The following SPMIP2 variants were observed in gnomAD, a reference collection of about 807,000 sequenced individuals.
The protein encoded by SPMIP2 is sperm microtubule inner protein 2.
the SPMIP2 span, among the ~76,000 whole-genome samples, chr4:158,980,455 C>A: frequency 6.6e-6 from 1 of 152,176 alleles, no homozygotes; most frequent in Non-Finnish European, 1.5e-5. Flanking sequence ...TAGAGGAGAG[C>A]CCTGGCTGGC....
chr4:158,983,527 C>T, the SPMIP2 span, among the ~76,000 whole-genome samples: 1 of 143,012 alleles, frequency 7.0e-6, no homozygotes, highest in Non-Finnish European at 1.5e-5. Flanking sequence ...AAAGAATTTT[C>T]AACCCAGAAT....
the SPMIP2 span, among the ~76,000 whole-genome samples, chr4:158,926,354 C>T: frequency 8.6e-5 from 13 of 151,956 alleles, no homozygotes; most frequent in African/African-American, 2.4e-4. Context: ...GCATTACCTT[C>T]GCTGCATCCC....
chr4:159,054,304 A>G, the SPMIP2 span, among the ~76,000 whole-genome samples: 7 of 152,126 alleles, frequency 4.6e-5, no homozygotes, highest in Non-Finnish European at 7.4e-5. Context: ...CTATTTCAGC[A>G]ATTTTTTTCC....
the SPMIP2 span, among the ~76,000 whole-genome samples, chr4:158,957,565 T>C: frequency 1.3e-5 from 2 of 152,202 alleles, no homozygotes; most frequent in South Asian, 4.1e-4. Flanking sequence ...TAGCTGGGAT[T>C]ACAGGCACCC....
At chr4:158,973,861 C>T in the SPMIP2 span, among the ~76,000 whole-genome samples, 1 of 151,568 alleles carries the variant, frequency 6.6e-6, no homozygotes, top group Admixed American at 6.6e-5. Flanking sequence ...TGGCACACAC[C>T]TGTGGTCCCA....
At chr4:159,041,892 G>A in the SPMIP2 span, among the ~76,000 whole-genome samples, 8 of 152,224 alleles carry the variant, frequency 5.3e-5, no homozygotes, top group Admixed American at 3.9e-4. Flanking sequence ...ACGAAGAGGT[G>A]AGTTCTACAG....
At chr4:158,952,360 A>G in the SPMIP2 span, among the ~76,000 whole-genome samples, 1 of 152,170 alleles carries the variant, frequency 6.6e-6, no homozygotes, top group Non-Finnish European at 1.5e-5. Flanking sequence ...GGTTTTCCCC[A>G]TATTGTCCTT....
chr4:158,937,222 A>C, the SPMIP2 span, among the ~76,000 whole-genome samples: 1 of 152,242 alleles, frequency 6.6e-6, no homozygotes, highest in Non-Finnish European at 1.5e-5. Flanking sequence ...TACTGGATCA[A>C]CAGTTGTCAT....
At chr4:158,984,698 C>A in the SPMIP2 span, among the ~76,000 whole-genome samples, 4 of 152,156 alleles carry the variant, frequency 2.6e-5, no homozygotes, top group Non-Finnish European at 4.4e-5. Context: ...CCAAAATTGA[C>A]ATCCTAACAT....
chr4:159,024,600 A>C, the SPMIP2 span, among the ~76,000 whole-genome samples: 1 of 152,198 alleles, frequency 6.6e-6, no homozygotes, highest in Non-Finnish European at 1.5e-5. Flanking sequence ...TGTAGTTAAA[A>C]GCTTTCCACC....
chr4:159,057,859 A>C, the SPMIP2 span, among the ~76,000 whole-genome samples: 2 of 152,032 alleles, frequency 1.3e-5, no homozygotes, highest in Non-Finnish European at 2.9e-5. Context: ...GGCAATTGTA[A>C]GTTGGTTGTT....
the SPMIP2 span, among the ~76,000 whole-genome samples, chr4:159,016,024 G>A: frequency 6.6e-6 from 1 of 152,228 alleles, no homozygotes; most frequent in Admixed American, 6.5e-5. Context: ...TCAGTCTGTA[G>A]TAGTCATGGA....
the SPMIP2 span, among the ~76,000 whole-genome samples, chr4:159,066,151 G>A: frequency 3.3e-5 from 5 of 152,174 alleles, no homozygotes; most frequent in South Asian, 2.1e-4. Context: ...TACCTTTTAC[G>A]CAAATTTCAA....
the SPMIP2 span, among the ~76,000 whole-genome samples, chr4:158,971,716 A>G: frequency 6.6e-6 from 1 of 152,178 alleles, no homozygotes; most frequent in South Asian, 2.1e-4. Context: ...TGCTTTACTA[A>G]TATTAACTTA....
At chr4:158,910,965 T>C in the SPMIP2 span, among the ~76,000 whole-genome samples, 4 of 152,196 alleles carry the variant, frequency 2.6e-5, no homozygotes, top group South Asian at 2.1e-4. Context: ...TCCAATGATA[T>C]GGTATGATAA....
chr4:158,984,959 C>T, the SPMIP2 span, among the ~76,000 whole-genome samples: 24 of 152,002 alleles, frequency 1.6e-4, no homozygotes, highest in Middle Eastern at 3.4e-3. Context: ...ATATCACCAC[C>T]GATCCCATAG....
chr4:158,931,180 C>T, the SPMIP2 span, among the ~76,000 whole-genome samples: 2 of 152,036 alleles, frequency 1.3e-5, no homozygotes, highest in South Asian at 2.1e-4. Context: ...TACTTTTTGA[C>T]AGCACAAATC....
At chr4:159,051,937 C>A in the SPMIP2 span, among the ~76,000 whole-genome samples, 1 of 152,096 alleles carries the variant, frequency 6.6e-6, no homozygotes, top group East Asian at 1.9e-4. Flanking sequence ...GGCATCTCCC[C>A]CTCCTTCCTT....
At chr4:158,913,303 G>A in the SPMIP2 span, among the ~76,000 whole-genome samples, 1 of 152,160 alleles carries the variant, frequency 6.6e-6, no homozygotes, top group East Asian at 1.9e-4. Context: ...GCTCACTGCA[G>A]ACTTGCAGAC....
Sources: gnomAD v4.1 joint callset for allele counts (sites outside exome capture counted in the v4.1 genomes callset) on GRCh38, gnomAD v4.1.1 for gene constraint, MANE v1.5 for transcripts, NCBI Gene and HGNC (gene_info 2026-07-23, HGNC 2026-07-21) for gene names.